Variants in ARHGAP24 observed in about 807,000 individuals in gnomAD.
ARHGAP24 encodes rho GTPase-activating protein 24.
ARHGAP24 carries 50 observed loss-of-function variants against 76.4 expected under a neutral mutation model. That is an observed-to-expected ratio of 0.65 (90% CI 0.52 to 0.83). ARHGAP24 has a LOEUF of 0.83. ARHGAP24 is among the 40% of genes least tolerant of loss of function. ARHGAP24 has a pLI of 0.00. For missense variants in ARHGAP24, 930 were observed against 914.2 expected (o/e 1.02, Z -0.22); for synonymous variants, 345 against 323.3 (o/e 1.07, Z -0.72).
intron 1 of ARHGAP24, among the ~76,000 whole-genome samples, chr4:85,495,382 A>C (rs562492885): frequency 3.0e-4 from 34 of 111,768 alleles, no homozygotes; most frequent in African/African-American, 1.2e-3. Context: ...ATGGAGTCTC[A>C]CTCTGTTGCC....
At position 85,828,528 on chromosome 4, in the gene ARHGAP24, T is replaced by TA. The variant is rs67257658; in HGVS notation, c.269-95113dup. The stretch of plus-strand genomic sequence containing the variant: ...GTCTGCGTGTGTGTTTTTTTTTTTT[T>TA]AAAAAAAGCCAAAAGAAAACCAAAT... On this transcript the variant is annotated intron_variant, in intron 3 of 9. Transcript: ENST00000395184. Among the ~76,000 whole-genome samples the TA allele has an allele frequency of 1.1e-3, 167 of 146,130 alleles. 2 individuals are homozygous for TA. Among genetic ancestry groups the TA allele is most frequent in the Admixed American group, 2.6e-3 (39 of 14,754 alleles).
intron 1 of ARHGAP24, among the ~76,000 whole-genome samples, chr4:85,521,797 G>A (rs1171481111): frequency 6.6e-6 from 1 of 152,080 alleles, no homozygotes; most frequent in Admixed American, 6.6e-5. Context: ...CATAGGAAAC[G>A]TCACAGGAGC....
chr4:85,534,667 C>A (rs183778030), intron 1 of ARHGAP24, among the ~76,000 whole-genome samples: 15 of 152,210 alleles, frequency 9.9e-5, no homozygotes, highest in African/African-American at 3.4e-4. Context: ...GCAAGCTAGT[C>A]CCCACATTGC....
chr4:85,721,806 G>A, intron 2 of ARHGAP24, 79 bp from the exon 3 acceptor site: 1 of 1,235,350 alleles, frequency 8.1e-7, no homozygotes. Context: ...GCTACACCTT[G>A]GATATTCACT....
chr4:85,525,295 C>T (rs1483334025), intron 1 of ARHGAP24, among the ~76,000 whole-genome samples: 1 of 129,850 alleles, frequency 7.7e-6, no homozygotes. Flanking sequence ...ACATTTGTGG[C>T]TCCTTTTATG....
At chr4:85,851,639 G>C (rs746557130) in intron 3 of ARHGAP24, among the ~76,000 whole-genome samples, 1 of 152,152 alleles carries the variant, frequency 6.6e-6, no homozygotes, top group Non-Finnish European at 1.5e-5. Context: ...TGTAAGGCAG[G>C]CCTGGTGGTG....
At chr4:85,698,889 TG>T (rs1723968128) in intron 2 of ARHGAP24, among the ~76,000 whole-genome samples, 1 of 152,182 alleles carries the variant, frequency 6.6e-6, no homozygotes, top group South Asian at 2.1e-4. Flanking sequence ...TCATAGCCGG[TG>T]CTGTCTTTGT....
intron 2 of ARHGAP24, among the ~76,000 whole-genome samples, chr4:85,712,809 A>C (rs1724577532): frequency 6.6e-6 from 1 of 152,198 alleles, no homozygotes; most frequent in Non-Finnish European, 1.5e-5. Context: ...GTTTTCTAAT[A>C]AAGTAATATT....
At chr4:85,503,792 C>A (rs1723922620) in intron 1 of ARHGAP24, among the ~76,000 whole-genome samples, 1 of 152,182 alleles carries the variant, frequency 6.6e-6, no homozygotes, top group Admixed American at 6.6e-5. Context: ...CTCTCTAATT[C>A]TTTTAATTGT....
intron 2 of ARHGAP24, among the ~76,000 whole-genome samples, chr4:85,591,241 T>A (rs1326005245): frequency 6.6e-6 from 1 of 152,042 alleles, no homozygotes; most frequent in Non-Finnish European, 1.5e-5. Context: ...AAATGAGGCT[T>A]CACCGCTTTG....
chr4:85,605,693 G>A (rs1011785354), intron 2 of ARHGAP24, among the ~76,000 whole-genome samples: 3 of 152,076 alleles, frequency 2.0e-5, no homozygotes, highest in Non-Finnish European at 4.4e-5. Flanking sequence ...TATTATACAC[G>A]TGTATCGTGG....
intron 3 of ARHGAP24, among the ~76,000 whole-genome samples, chr4:85,896,275 T>A: frequency 6.6e-6 from 1 of 152,368 alleles, no homozygotes; most frequent in Non-Finnish European, 1.5e-5. Flanking sequence ...TACTTTTTTA[T>A]GTTTACGATT....
chr4:85,938,235 G>A (rs2148822447), intron 4 of ARHGAP24, among the ~76,000 whole-genome samples: 1 of 152,284 alleles, frequency 6.6e-6, no homozygotes, highest in Admixed American at 6.5e-5. Context: ...GGGGAGGTAG[G>A]CATGGTATTC....
At chr4:85,948,996 A>G (rs950618312) in intron 5 of ARHGAP24, among the ~76,000 whole-genome samples, 9 of 152,212 alleles carry the variant, frequency 5.9e-5, no homozygotes, top group African/African-American at 2.2e-4. Context: ...CAAATAAAAG[A>G]AGCCAATTAA....
intron 3 of ARHGAP24, among the ~76,000 whole-genome samples, chr4:85,826,304 C>T (rs1729709210): frequency 6.6e-6 from 1 of 152,186 alleles, no homozygotes; most frequent in Admixed American, 6.5e-5. Flanking sequence ...CTCCATCCCC[C>T]TCAAACACAG....
At chr4:85,895,142 A>G (rs1481002012) in intron 3 of ARHGAP24, among the ~76,000 whole-genome samples, 1 of 152,042 alleles carries the variant, frequency 6.6e-6, no homozygotes, top group Non-Finnish European at 1.5e-5. Flanking sequence ...AAATCTCAGT[A>G]ATCACCACTG....
chr4:85,967,962 C>T (rs1163241127), intron 5 of ARHGAP24, among the ~76,000 whole-genome samples: 1 of 152,058 alleles, frequency 6.6e-6, no homozygotes, highest in African/African-American at 2.4e-5. Context: ...AAAACAGAAG[C>T]GAGGTACAGA....
intron 2 of ARHGAP24, among the ~76,000 whole-genome samples, chr4:85,676,254 G>A (rs1214957879): frequency 6.6e-6 from 1 of 152,102 alleles, no homozygotes; most frequent in African/African-American, 2.4e-5. Context: ...TGCCAAACCT[G>A]CCACCTGTTT....
intron 3 of ARHGAP24, among the ~76,000 whole-genome samples, chr4:85,757,213 C>CTTTTTT (rs567221846): frequency 2.3e-5 from 3 of 130,704 alleles, no homozygotes; most frequent in East Asian, 2.4e-4. Context: ...GCAACCAATT[C>CTTTTTT]TTTTTTTTTT....
Sources: gnomAD v4.1 joint callset for allele counts (sites outside exome capture counted in the v4.1 genomes callset) on GRCh38, gnomAD v4.1.1 for gene constraint, MANE v1.5 for transcripts, NCBI Gene and HGNC (gene_info 2026-07-23, HGNC 2026-07-21) for gene names.